The following C12orf71 variants were observed in gnomAD, a reference collection of about 807,000 sequenced individuals.
The protein encoded by C12orf71 is uncharacterized protein C12orf71.
In C12orf71, 10 loss-of-function variants were observed where a neutral mutation model predicts 11.7. The observed-to-expected ratio is 0.86, with a 90% confidence interval of 0.53 to 1.45. C12orf71 has a LOEUF of 1.45. C12orf71 is among the 40% of genes most tolerant of loss of function. The pLI is 0.00. For missense variants in C12orf71, 293 were observed against 325.8 expected (o/e 0.90, Z 0.78); for synonymous variants, 110 against 123.4 (o/e 0.89, Z 0.72).
chr12:27,082,386 G>T lies in C12orf71; in HGVS notation c.98C>A (p.Thr33Asn), dbSNP rs1435784938. Reference sequence around the variant, plus strand: ...CCAGGAGGTTGTGTCCTCACAGGGGGTGTCCTCACAGGGGAAATAGCCCAC... The same window carrying T: ...CCAGGAGGTTGTGTCCTCACAGGGGTTGTCCTCACAGGGGAAATAGCCCAC... ...LSVGYFPCEDTPCEDTTSWED... is the reference protein window; with the variant it reads ...LSVGYFPCEDNPCEDTTSWED... The change falls in exon 1 of 2, where the codon ACC becomes AAC. Residue 33 changes from threonine (T) to asparagine (N), a missense_variant. By Grantham distance (65) the Thr-to-Asn change is moderately conservative (BLOSUM62 0). Coordinates refer to ENST00000429849, the MANE Select transcript of C12orf71 (RefSeq NM_001080406.2). The T allele has an allele frequency of 6.3e-6, 10 of 1,575,730 alleles. No individual in the cohort carries two copies. The highest frequency in any genetic ancestry group is 7.7e-6 in the Non-Finnish European group (9 of 1,164,780).
chr12:27,081,736 C>G (rs1193280907), intron 1 of C12orf71: 1 of 708,344 alleles, frequency 1.4e-6, no homozygotes. Context: ...CTTGTTGTCT[C>G]CCACTGGTAT....
At chr12:27,083,997 T>C (rs1397648623), upstream of C12orf71, among the ~76,000 whole-genome samples, 1 of 152,126 alleles carries the variant, frequency 6.6e-6, no homozygotes, top group Non-Finnish European at 1.5e-5. Flanking sequence ...AACAAAAGAC[T>C]GTCACACCCT....
intron 1 of C12orf71, chr12:27,081,704 C>T: frequency 1.5e-6 from 1 of 677,116 alleles, no homozygotes; most frequent in Non-Finnish European, 2.6e-6. Flanking sequence ...CTTTTCCCTA[C>T]AGCTTCACCC....
At chr12:27,081,677 C>T (rs1731177709) in intron 1 of C12orf71, among the ~76,000 whole-genome samples, 1 of 151,830 alleles carries the variant, frequency 6.6e-6, no homozygotes. Context: ...CCTCTTGTTT[C>T]CCTCAGCATT....
rs765971425 is a variant in C12orf71, at chr12:27,081,316, C to G, written c.668G>C (p.Arg223Pro). The change falls in exon 2 of 2, where the codon CGT (arginine) becomes CCT (proline). Residue 223 changes from arginine to proline, a missense_variant. Coordinates refer to ENST00000429849, the MANE Select transcript of C12orf71 (RefSeq NM_001080406.2). ...CCTCCTCAGCAGAGAGGGGAGGATA[C>G]GCTGCCTCAGCCAGCTGAAGGCCCA... ...FGWAFSWLRQRILPSLLRRDH... is the reference protein window; with the variant it reads ...FGWAFSWLRQPILPSLLRRDH... 3 of 1,613,782 alleles carry G rather than the reference C, an allele frequency of 1.9e-6. No individual in the cohort carries two copies. The highest frequency in any genetic ancestry group is 2.5e-6 in the Non-Finnish European group (3 of 1,179,896).
In C12orf71 at chr12:27,082,056, T is replaced by C; in HGVS notation, c.428A>G (p.Glu143Gly). ...TACAGCGTCATCATCTTTCAGATTT[T>C]CTAGAAATATCTGAAACTCTTGCAC... Reference protein sequence around the residue: ...NLVQEFQIFLENLKDDDAVFP... With the variant: ...NLVQEFQIFLGNLKDDDAVFP... Residue 143 changes from glutamate to glycine, a missense_variant, in exon 1 of 2, where the codon GAA becomes GGA. Coordinates refer to ENST00000429849, the MANE Select transcript of C12orf71 (RefSeq NM_001080406.2). 6.2e-7 allele frequency: 1 copy of C among 1,603,530 alleles called. No individual in the cohort carries two copies. Among genetic ancestry groups the C allele is most frequent in the Non-Finnish European group, 8.5e-7 (1 of 1,174,218 alleles).
chr12:27,083,881 A>C (rs1432601669), upstream of C12orf71, among the ~76,000 whole-genome samples: 4 of 152,358 alleles, frequency 2.6e-5, no homozygotes, highest in Non-Finnish European at 4.4e-5. Context: ...GTCTGATGAC[A>C]CTGTTTAGTC....
rs1407042017 is a variant in C12orf71, at chr12:27,081,327, C to T, written c.657G>A (p.Trp219Ter). The change falls in exon 2 of 2, where the codon TGG becomes TGA. Residue 219 changes from tryptophan to a stop codon, truncating the protein, a stop_gained. Transcript: ENST00000429849. LOFTEE classifies it low-confidence loss of function (END_TRUNC). ...GAGAGGGGAGGATACGCTGCCTCAGCCAGCTGAAGGCCCACCCAAAGTTCA... is the reference window on the plus strand; with the variant it reads ...GAGAGGGGAGGATACGCTGCCTCAGTCAGCTGAAGGCCCACCCAAAGTTCA... ...CCLNFGWAFS[W>*]LRQRILPSLL... 6.2e-7 allele frequency: 1 copy of T among 1,614,012 alleles called. No individual in the cohort carries two copies. The highest frequency in any genetic ancestry group is 8.5e-7 in the Non-Finnish European group (1 of 1,179,900).
intron 1 of C12orf71, 67 bp from the exon 2 acceptor site, chr12:27,081,534 C>A (rs1441698764): frequency 1.3e-6 from 2 of 1,493,066 alleles, no homozygotes; most frequent in Admixed American, 2.0e-5. Flanking sequence ...AACGTTTACT[C>A]ATTTGTGGAA....
intron 1 of C12orf71, chr12:27,081,712 C>T (rs549300302): frequency 5.8e-6 from 4 of 693,842 alleles, no homozygotes; most frequent in South Asian, 3.2e-5. Context: ...TACAGCTTCA[C>T]CCTGACTCCT....
chr12:27,081,732 G>T (rs1003360795), intron 1 of C12orf71: 2 of 703,730 alleles, frequency 2.8e-6, no homozygotes, highest in African/African-American at 1.8e-5. Flanking sequence ...TTTCCTTGTT[G>T]TCTCCCACTG....
upstream of C12orf71, among the ~76,000 whole-genome samples, chr12:27,083,715 A>G (rs1255519241): frequency 1.3e-5 from 2 of 152,206 alleles, no homozygotes; most frequent in African/African-American, 2.4e-5. Flanking sequence ...TAAATCTGTA[A>G]TAAACCCGCT....
rs867431250 is a variant in C12orf71, at chr12:27,082,301, C to T, written c.183G>A (p.Trp61Ter). The T allele has an allele frequency of 1.9e-6, 3 of 1,604,290 alleles. No individual in the cohort carries two copies. The highest frequency in any genetic ancestry group is 2.6e-6 in the Non-Finnish European group (3 of 1,175,652). The change falls in exon 1 of 2, where the codon TGG (tryptophan) becomes TGA (stop). Residue 61 changes from tryptophan (W) to a stop codon, truncating the protein, a stop_gained. Coordinates refer to ENST00000429849, the MANE Select transcript of C12orf71 (RefSeq NM_001080406.2). LOFTEE classifies it high-confidence loss of function. Reference sequence around the variant, plus strand: ...TGCGTCTCCCTATCCTTTCAGTCCCCCATGCCCCTTGGACGGGAGGCAGAA... The same window carrying T: ...TGCGTCTCCCTATCCTTTCAGTCCCTCATGCCCCTTGGACGGGAGGCAGAA... ...IHFLPPVQGA[W>*]GTERIGRRMK...
rs781581809 is a variant in C12orf71, at chr12:27,082,404, T to C, written c.80A>G (p.Tyr27Cys). 95 of 1,552,194 alleles carry C rather than the reference T, an allele frequency of 6.1e-5. No homozygotes were observed. The South Asian group carries it at 1.1e-3, about 18-fold the overall frequency. Reference protein sequence around the residue: ...SNSNLSLSVGYFPCEDTPCED... With the variant: ...SNSNLSLSVGCFPCEDTPCED... The stretch of plus-strand genomic sequence containing the variant: ...ACAGGGGGTGTCCTCACAGGGGAAA[T>C]AGCCCACAGAGAGGCTCAGGTTGGA... The change falls in exon 1 of 2, where the codon TAT (tyrosine) becomes TGT (cysteine). Residue 27 changes from tyrosine to cysteine, a missense_variant. Tyr to Cys is a radical substitution (Grantham distance 194). Transcript: ENST00000429849.
chr12:27,081,553 CT>C, intron 1 of C12orf71, 86 bp from the exon 2 acceptor site: 1 of 1,375,536 alleles, frequency 7.3e-7, no homozygotes, highest in Non-Finnish European at 1.0e-6. Context: ...AACTCACATC[CT>C]TTTACCAAAA....
At position 27,082,552 on chromosome 12, in the gene C12orf71, G is replaced by A; in HGVS notation, c.-69C>T. 7.9e-7 allele frequency: 1 copy of A among 1,265,676 alleles called. No homozygotes were observed. Among genetic ancestry groups the A allele is most frequent in the Non-Finnish European group, 1.1e-6 (1 of 949,104 alleles). 78.4% of individuals were successfully genotyped at this position (1,265,676 alleles called of 1,614,324 possible). ...AAAAGAAAAAAGAAAAAATAGGTGG[G>A]ACTAAGGAGAAGAGAGTCATAGTAC... On this transcript the variant is annotated 5_prime_UTR_variant, in exon 1 of 2. Coordinates refer to ENST00000429849, the MANE Select transcript of C12orf71 (RefSeq NM_001080406.2).
rs781083916 is a variant in C12orf71 at position 27,082,003 on chromosome 12, G to T, written c.481C>A (p.Gln161Lys). Residue 161 changes from glutamine to lysine, a missense_variant, in exon 1 of 2, where the codon CAG (glutamine) becomes AAG (lysine). By Grantham distance (53) the Gln-to-Lys change is moderately conservative (BLOSUM62 1). Transcript: ENST00000429849. ...TCCGGAGGGGAGCCGCTGGATAGCTGGAAATCTTGCTGAGCAGTTTCAGGA... is the reference window on the plus strand; with the variant it reads ...TCCGGAGGGGAGCCGCTGGATAGCTTGAAATCTTGCTGAGCAGTTTCAGGA... ...VFPETAQQDF[Q>K]LSSGSPPEMV... 1 of 1,587,626 alleles carries T rather than the reference G, an allele frequency of 6.3e-7. No homozygotes were observed. The highest frequency in any genetic ancestry group is 8.6e-7 in the Non-Finnish European group (1 of 1,165,468).
chr12:27,083,003 T>C (rs1244767021), upstream of C12orf71, among the ~76,000 whole-genome samples: 5 of 151,896 alleles, frequency 3.3e-5, no homozygotes, highest in Admixed American at 3.3e-4. Context: ...TTCAGTGGTG[T>C]GATGTCAGCT....
intron 1 of C12orf71, chr12:27,081,762 G>A (rs1941934729): frequency 1.4e-6 from 1 of 725,972 alleles, no homozygotes; most frequent in Non-Finnish European, 2.5e-6. Context: ...CAGTCCCCCT[G>A]GGACCTGCCT....
Sources: gnomAD v4.1 joint callset for allele counts (sites outside exome capture counted in the v4.1 genomes callset) on GRCh38, gnomAD v4.1.1 for gene constraint, MANE v1.5 for transcripts, NCBI Gene and HGNC (gene_info 2026-07-23, HGNC 2026-07-21) for gene names.